Variants in ACSM3 observed in about 807,000 individuals in gnomAD.
ACSM3 encodes the protein acyl-coenzyme A synthetase ACSM3, mitochondrial.
Under a neutral mutation model 74.1 loss-of-function variants are expected in ACSM3, and 61 were observed. The ratio of observed to expected loss-of-function variants is 0.82; its 90% confidence interval spans 0.67 to 1.02. The LOEUF (loss-of-function observed/expected upper bound fraction) is 1.02, where lower values mean the gene tolerates loss of function less well. ACSM3 is among the 50% of genes least tolerant of loss of function. The pLI is 0.00. For missense variants in ACSM3, 660 were observed against 697.0 expected, an observed-to-expected ratio of 0.95 and a Z score of 0.60; for synonymous variants, 213 against 241.5, an observed-to-expected ratio of 0.88 and a Z score of 1.09.
intron 3 of ACSM3, among the ~76,000 whole-genome samples, chr16:20,757,923 A>G (rs144127178): frequency 0.029 from 4,464 of 152,194 alleles, 222 homozygotes; most frequent in African/African-American, 0.1. Context: ...TTCTGTTTAT[A>G]TGCTGGATTA....
At chr16:20,686,251 T>C (rs1334292422) in intron 1 of ACSM3, among the ~76,000 whole-genome samples, 1 of 152,128 alleles carries the variant, frequency 6.6e-6, no homozygotes, top group Non-Finnish European at 1.5e-5. Context: ...GTGAGGGCAG[T>C]AACAAAGCAG....
chr16:20,692,215 G>A (rs2079660648), intron 1 of ACSM3, among the ~76,000 whole-genome samples: 1 of 152,190 alleles, frequency 6.6e-6, no homozygotes, highest in East Asian at 1.9e-4. Flanking sequence ...GAGTGAACCT[G>A]GCCCGTGACA....
At chr16:20,755,866 G>A (rs1050654667) in intron 3 of ACSM3, among the ~76,000 whole-genome samples, 2 of 138,954 alleles carry the variant, frequency 1.4e-5, no homozygotes, top group African/African-American at 5.4e-5. Context: ...TCCCACCTAT[G>A]AGTGAGAACA....
At chr16:20,785,751 T>TA (rs2080458983) in intron 8 of ACSM3, among the ~76,000 whole-genome samples, 1 of 152,070 alleles carries the variant, frequency 6.6e-6, no homozygotes, top group African/African-American at 2.4e-5. Flanking sequence ...TATCACCTGG[T>TA]AAAAAATGAA....
chr16:20,784,820 A>T (rs1417750495), intron 7 of ACSM3, among the ~76,000 whole-genome samples, 164 bp from the exon 8 acceptor site: 1 of 152,052 alleles, frequency 6.6e-6, no homozygotes, highest in Non-Finnish European at 1.5e-5. Flanking sequence ...GTAGGTACTT[A>T]GTAGTTGTAT....
intron 1 of ACSM3, chr16:20,682,273 G>C: frequency 6.2e-7 from 1 of 1,613,236 alleles, no homozygotes; most frequent in East Asian, 2.2e-5. Flanking sequence ...GCGATCGGAA[G>C]TCCAGCCACC....
chr16:20,796,801 G>T, intron 13 of ACSM3, 85 bp from the exon 14 acceptor site: 2 of 1,578,038 alleles, frequency 1.3e-6, no homozygotes, highest in South Asian at 2.4e-5. Context: ...CTTCCACCTA[G>T]AATTCATAAT....
chr16:20,681,790 A>G lies in ACSM3; in HGVS notation c.-190+6968A>G, dbSNP rs141593694. On this transcript the variant is annotated intron_variant, in intron 1 of 3. Transcript: ENST00000561584. ...ACTCAATTGTATGTAGGGAAACCCA[A>G]TTCCTCCTGAGGAAGAGAAAGAGGT... The G allele has an allele frequency of 3.7e-3, 578 of 155,440 alleles. 1 individual carries two copies. The highest frequency in any genetic ancestry group is 5.9e-3 in the Non-Finnish European group (410 of 69,958). The allele number at this position is 155,440 out of a possible 1,614,324, so 9.6% of individuals were successfully genotyped here.
At chr16:20,705,079 TAAC>T (rs1233178950) in intron 1 of ACSM3, among the ~76,000 whole-genome samples, 1 of 152,110 alleles carries the variant, frequency 6.6e-6, no homozygotes, top group East Asian at 1.9e-4. Flanking sequence ...AAAATATAAA[TAAC>T]AACTTCAGGG....
intron 2 of ACSM3, among the ~76,000 whole-genome samples, chr16:20,753,810 G>A (rs1038525875): frequency 2.0e-4 from 31 of 151,604 alleles, no homozygotes; most frequent in Non-Finnish European, 1.5e-5. Flanking sequence ...CCATGTATTT[G>A]TGCCTGACTT....
chr16:20,707,658 C>T (rs1335360784), intron 1 of ACSM3, among the ~76,000 whole-genome samples: 1 of 152,142 alleles, frequency 6.6e-6, no homozygotes, highest in South Asian at 2.1e-4. Flanking sequence ...TTACCTGGCT[C>T]CAAAAGCATT....
In ACSM3 at chr16:20,685,199, G is replaced by A. The variant is rs144518025; in HGVS notation, c.-190+10377G>A. 1.0e-4 allele frequency: 161 copies of A among 1,614,036 alleles called. No individual in the cohort carries two copies. The highest frequency in any genetic ancestry group is 1.2e-4 in the Non-Finnish European group (144 of 1,180,016). On this transcript the variant is annotated intron_variant, in intron 1 of 3. Transcript: ENST00000561584. Reference sequence around the variant, plus strand: ...TCCCTCTTGCATCACTGACCTGTTCGCATGCAGCCCACAGCCACCAGCCAC... The same window carrying A: ...TCCCTCTTGCATCACTGACCTGTTCACATGCAGCCCACAGCCACCAGCCAC...
At chr16:20,685,604 G>A (rs1321117813) in intron 1 of ACSM3, among the ~76,000 whole-genome samples, 1 of 151,896 alleles carries the variant, frequency 6.6e-6, no homozygotes, top group Non-Finnish European at 1.5e-5. Context: ...GGTTGATCAT[G>A]AGGTCAGGAG....
At chr16:20,714,998 T>C (rs972632055) in intron 1 of ACSM3, among the ~76,000 whole-genome samples, 1 of 91,076 alleles carries the variant, frequency 1.1e-5, no homozygotes, top group African/African-American at 3.1e-5. Context: ...AGACGAAAGA[T>C]AGATAGATAG....
intron 3 of ACSM3, among the ~76,000 whole-genome samples, chr16:20,776,341 G>GA (rs2152460939): frequency 6.6e-6 from 1 of 152,286 alleles, no homozygotes; most frequent in East Asian, 1.9e-4. Flanking sequence ...GTTTCTTGAA[G>GA]AACCCTGATG....
rs534945324 is a variant in ACSM3, at chr16:20,739,165, G to T, written c.-189-10745G>T. On this transcript the variant is annotated intron_variant, in intron 1 of 3. Transcript: ENST00000561584. ...TATGTGAAGTCCCTGGCGGCAGGTGGCTCAGTATTGATTTTTTTTTTTTTT... is the reference window on the plus strand; with the variant it reads ...TATGTGAAGTCCCTGGCGGCAGGTGTCTCAGTATTGATTTTTTTTTTTTTT... 2.8e-5 allele frequency: 36 copies of T among 1,267,608 alleles called. No homozygotes were observed. In the Admixed American group the frequency reaches 1.0e-3, roughly 35 times the overall value. 78.5% of individuals were successfully genotyped at this position (1,267,608 alleles called of 1,614,324 possible).
At chr16:20,781,477 A>G (rs1027175621) in intron 6 of ACSM3, among the ~76,000 whole-genome samples, 4 of 152,268 alleles carry the variant, frequency 2.6e-5, no homozygotes, top group Admixed American at 2.0e-4. Context: ...GATTTAAAGT[A>G]TACGGGAGGA....
intron 1 of ACSM3, chr16:20,741,928 G>T: frequency 1.3e-6 from 2 of 1,533,458 alleles, no homozygotes; most frequent in Non-Finnish European, 1.7e-6. Context: ...AGTGATACCC[G>T]CCCAAGCCCC....
rs537290265 is a variant in ACSM3, at chr16:20,780,585, C to G, written c.639-129C>G. On this transcript the variant is annotated intron_variant, in intron 4 of 13. Transcript: ENST00000289416. Reference sequence around the variant, plus strand: ...AAGTGATGGCTTTTACCCTGTAATTCAAGCTAAGCCACTGGCACCTGATTC... The same window carrying G: ...AAGTGATGGCTTTTACCCTGTAATTGAAGCTAAGCCACTGGCACCTGATTC... The G allele has an allele frequency of 8.2e-6, 13 of 1,591,616 alleles. No individual in the cohort carries two copies. In the Admixed American group the frequency reaches 1.0e-4, roughly 12 times the overall value.
Sources: gnomAD v4.1 joint callset for allele counts (sites outside exome capture counted in the v4.1 genomes callset) on GRCh38, gnomAD v4.1.1 for gene constraint, MANE v1.5 for transcripts, NCBI Gene and HGNC (gene_info 2026-07-23, HGNC 2026-07-21) for gene names.